The following LUZP2 variants were observed in gnomAD, a reference collection of about 807,000 sequenced individuals.
LUZP2 encodes leucine zipper protein 2.
LUZP2 carries 52 observed loss-of-function variants against 51.6 expected under a neutral mutation model. That is an observed-to-expected ratio of 1.01 (90% CI 0.81 to 1.27). The LOEUF (loss-of-function observed/expected upper bound fraction) is 1.27. LUZP2 is among the 50% of genes most tolerant of loss of function. The pLI is 0.00. For synonymous variants in LUZP2, 154 were observed against 137.3 expected (o/e 1.12, Z -0.85); for missense variants, 436 against 395.4 (o/e 1.10, Z -0.87).
At chr11:25,029,906 A>G (rs902699568) in intron 9 of LUZP2, among the ~76,000 whole-genome samples, 1 of 147,084 alleles carries the variant, frequency 6.8e-6, no homozygotes, top group Non-Finnish European at 1.5e-5. Context: ...TGCCATGTCA[A>G]TAGATATATT....
chr11:24,622,424 C>A (rs1262611422), intron 1 of LUZP2, among the ~76,000 whole-genome samples: 1 of 151,964 alleles, frequency 6.6e-6, no homozygotes, highest in Non-Finnish European at 1.5e-5. Flanking sequence ...AGGCTGATCT[C>A]GAATTTCAGA....
At chr11:25,068,254 T>C (rs924607975) in intron 10 of LUZP2, among the ~76,000 whole-genome samples, 4 of 151,868 alleles carry the variant, frequency 2.6e-5, no homozygotes, top group Non-Finnish European at 5.9e-5. Context: ...CAATGGCACG[T>C]GTATACCTAT....
chr11:24,604,328 A>C (rs563788598), intron 1 of LUZP2, among the ~76,000 whole-genome samples: 1 of 147,506 alleles, frequency 6.8e-6, no homozygotes, highest in Admixed American at 6.7e-5. Context: ...TATTTCTTGA[A>C]GATATAATAT....
At chr11:25,017,987 T>C (rs1452885833) in intron 9 of LUZP2, among the ~76,000 whole-genome samples, 1 of 152,078 alleles carries the variant, frequency 6.6e-6, no homozygotes, top group African/African-American at 2.4e-5. Flanking sequence ...CTTGTAGAGA[T>C]TTTGTACCTT....
At chr11:24,588,141 T>G (rs988107077) in intron 1 of LUZP2, among the ~76,000 whole-genome samples, 1 of 152,174 alleles carries the variant, frequency 6.6e-6, no homozygotes, top group African/African-American at 2.4e-5. Context: ...AATTATATTT[T>G]TATTCTAGTC....
chr11:24,521,324 CTG>C (rs1312409218), intron 1 of LUZP2, among the ~76,000 whole-genome samples: 1 of 122,878 alleles, frequency 8.1e-6, no homozygotes, highest in African/African-American at 3.3e-5. Flanking sequence ...GCACTTCAGC[CTG>C]TGTGACAGAG....
chr11:25,060,511 C>A (rs1234496667), intron 10 of LUZP2, among the ~76,000 whole-genome samples: 2 of 152,276 alleles, frequency 1.3e-5, no homozygotes, highest in Non-Finnish European at 1.5e-5. Context: ...CAGATAGCAG[C>A]AAAATTCTAA....
At chr11:24,903,612 A>G (rs1271700117) in intron 5 of LUZP2, among the ~76,000 whole-genome samples, 1 of 151,952 alleles carries the variant, frequency 6.6e-6, no homozygotes, top group Non-Finnish European at 1.5e-5. Flanking sequence ...TATAATATGT[A>G]CTTGTACCAG....
chr11:24,810,828 C>T (rs999136282), intron 5 of LUZP2, among the ~76,000 whole-genome samples: 7 of 152,052 alleles, frequency 4.6e-5, no homozygotes. Context: ...CATTATACTC[C>T]GAAGAGGTAC....
intron 1 of LUZP2, among the ~76,000 whole-genome samples, chr11:24,562,677 C>A (rs1424484533): frequency 6.8e-6 from 1 of 147,734 alleles, no homozygotes; most frequent in Admixed American, 6.9e-5. Context: ...CATGGTGAAA[C>A]CCCGTCTCTA....
intron 4 of LUZP2, among the ~76,000 whole-genome samples, chr11:24,750,833 A>T (rs1859552121): frequency 6.6e-6 from 1 of 152,184 alleles, no homozygotes; most frequent in Non-Finnish European, 1.5e-5. Context: ...CTGTCAACCA[A>T]GAAAAAGATA....
intron 6 of LUZP2, among the ~76,000 whole-genome samples, chr11:24,913,263 C>T (rs1330244603): frequency 6.6e-6 from 1 of 152,114 alleles, no homozygotes; most frequent in Admixed American, 6.6e-5. Context: ...TGGAATTGTA[C>T]AAAATATAGC....
At position 24,709,892 on chromosome 11, in the gene LUZP2, T is replaced by C. The variant is rs763957181; in HGVS notation, c.63-19277T>C. ...GACAGGAGCTCATGGATGAAAAAGT[T>C]AACTTTGGTGTCTGCCTTTCTCAGC... On this transcript the variant is annotated intron_variant, in intron 1 of 11. Coordinates refer to ENST00000336930, the MANE Select transcript of LUZP2 (RefSeq NM_001009909.4). Among the ~76,000 whole-genome samples the C allele has an allele frequency of 4.3e-4, 65 of 152,326 alleles. No homozygotes were observed. In the Middle Eastern group the frequency reaches 0.017, roughly 40 times the overall value.
At chr11:24,748,701 C>T (rs944465515) in intron 4 of LUZP2, among the ~76,000 whole-genome samples, 1 of 152,116 alleles carries the variant, frequency 6.6e-6, no homozygotes, top group Non-Finnish European at 1.5e-5. Context: ...TCATGATCTG[C>T]CCCCCTTGGC....
intron 1 of LUZP2, among the ~76,000 whole-genome samples, chr11:24,722,866 G>A (rs563267471): frequency 2.0e-5 from 3 of 151,498 alleles, no homozygotes; most frequent in Non-Finnish European, 2.9e-5. Context: ...GCAGTGAGCC[G>A]ATATCATGCC....
At chr11:24,547,384 A>G (rs1421951450) in intron 1 of LUZP2, among the ~76,000 whole-genome samples, 1 of 152,058 alleles carries the variant, frequency 6.6e-6, no homozygotes, top group African/African-American at 2.4e-5. Flanking sequence ...AGACCAACGG[A>G]ACAGGTTAGA....
intron 5 of LUZP2, among the ~76,000 whole-genome samples, chr11:24,857,004 G>T (rs1356835485): frequency 3.3e-5 from 5 of 151,858 alleles, no homozygotes; most frequent in African/African-American, 9.7e-5. Flanking sequence ...CATTATTCAG[G>T]TGATGGTTAC....
intron 7 of LUZP2, among the ~76,000 whole-genome samples, chr11:24,921,111 A>C (rs1417378055): frequency 6.6e-6 from 1 of 152,140 alleles, no homozygotes; most frequent in Non-Finnish European, 1.5e-5. Context: ...GATAGGATTA[A>C]CGACAGGGAC....
At chr11:24,816,318 T>C (rs543381010) in intron 5 of LUZP2, among the ~76,000 whole-genome samples, 1 of 152,096 alleles carries the variant, frequency 6.6e-6, no homozygotes, top group East Asian at 1.9e-4. Flanking sequence ...ATCTCTCTGA[T>C]AGTGTCACCT....
Sources: gnomAD v4.1 joint callset for allele counts (sites outside exome capture counted in the v4.1 genomes callset) on GRCh38, gnomAD v4.1.1 for gene constraint, MANE v1.5 for transcripts, NCBI Gene and HGNC (gene_info 2026-07-23, HGNC 2026-07-21) for gene names.